The following ERC2 variants were observed in gnomAD, a reference collection of about 807,000 sequenced individuals.
ERC2 encodes ELKS/RAB6-interacting/CAST family member 2.
Under a neutral mutation model 114.8 loss-of-function variants are expected in ERC2, and 42 were observed. That is an observed-to-expected ratio of 0.37 (90% CI 0.29 to 0.47). The LOEUF (loss-of-function observed/expected upper bound fraction) is 0.47. Ranked by LOEUF, ERC2 falls within the 20% of genes least tolerant of loss-of-function variation. The probability of loss-of-function intolerance (pLI) is 0.99; values close to 1 mark genes in which losing one functional copy is unlikely to be tolerated. For missense variants in ERC2, 939 were observed against 1,150.7 expected, an observed-to-expected ratio of 0.82 and a Z score of 2.66; for synonymous variants, 454 against 425.5, an observed-to-expected ratio of 1.07 and a Z score of -0.82.
At chr3:55,790,288 C>T (rs2069887947) in intron 14 of ERC2, among the ~76,000 whole-genome samples, 1 of 152,148 alleles carries the variant, frequency 6.6e-6, no homozygotes, top group Non-Finnish European at 1.5e-5. Flanking sequence ...ACTTCTGCTT[C>T]CTTGCAGGTG....
chr3:55,925,697 A>G (rs975373367), intron 13 of ERC2, among the ~76,000 whole-genome samples: 2 of 152,156 alleles, frequency 1.3e-5, no homozygotes, highest in African/African-American at 4.8e-5. Flanking sequence ...AGAAGAAAAG[A>G]TTTAAAGACA....
At chr3:55,556,962 C>T (rs9857715) in intron 17 of ERC2, among the ~76,000 whole-genome samples, 1 of 152,184 alleles carries the variant, frequency 6.6e-6, no homozygotes, top group East Asian at 1.9e-4. Context: ...ATGCCTGGCA[C>T]TGCACTCTGT....
chr3:56,085,999 G>C (rs934340167), intron 6 of ERC2, among the ~76,000 whole-genome samples: 2 of 152,144 alleles, frequency 1.3e-5, no homozygotes, highest in African/African-American at 4.8e-5. Context: ...GCTGGAGAGA[G>C]TTTAGAAAAA....
intron 2 of ERC2, among the ~76,000 whole-genome samples, chr3:56,346,131 G>T (rs2058297753): frequency 6.6e-6 from 1 of 152,098 alleles, no homozygotes; most frequent in Non-Finnish European, 1.5e-5. Context: ...TATGTTACAG[G>T]AATCTCTATG....
chr3:56,025,529 C>T (rs990118478), intron 7 of ERC2, among the ~76,000 whole-genome samples: 1 of 152,180 alleles, frequency 6.6e-6, no homozygotes, highest in Non-Finnish European at 1.5e-5. Context: ...TATACAAAGG[C>T]CCTTGCCACA....
chr3:55,952,136 A>AACAC (rs778299355), intron 12 of ERC2, among the ~76,000 whole-genome samples: 2,181 of 75,360 alleles, frequency 0.029, 76 homozygotes, highest in African/African-American at 0.062. Context: ...CCATCTCTAA[A>AACAC]ACACACACAC....
chr3:55,530,324 C>G (rs1055490225), intron 17 of ERC2, among the ~76,000 whole-genome samples: 1 of 152,174 alleles, frequency 6.6e-6, no homozygotes, highest in Non-Finnish European at 1.5e-5. Flanking sequence ...ATTCTGCAAT[C>G]GTGGCAGGAA....
intron 17 of ERC2, among the ~76,000 whole-genome samples, chr3:55,583,358 C>A (rs1226776957): frequency 1.3e-5 from 2 of 151,800 alleles, no homozygotes; most frequent in Non-Finnish European, 2.9e-5. Flanking sequence ...TGCCTGCCTG[C>A]CTGCCTGCCT....
At chr3:55,907,499 T>C (rs1187447476) in intron 13 of ERC2, among the ~76,000 whole-genome samples, 2 of 152,228 alleles carry the variant, frequency 1.3e-5, no homozygotes, top group Admixed American at 6.5e-5. Flanking sequence ...ATTGCTTAAT[T>C]GTTTGACTGG....
chr3:55,555,776 T>C (rs1846593), intron 17 of ERC2, among the ~76,000 whole-genome samples: 80,431 of 151,986 alleles, frequency 0.53, 23,362 homozygotes, highest in African/African-American at 0.79. Flanking sequence ...ATCAGCAACC[T>C]GTGCTCAGCT....
chr3:55,597,869 T>C (rs1183485704), intron 17 of ERC2, among the ~76,000 whole-genome samples: 1 of 152,186 alleles, frequency 6.6e-6, no homozygotes, highest in Non-Finnish European at 1.5e-5. Context: ...TGTGTTACAA[T>C]CTCAGTAAGA....
At chr3:55,600,448 T>C (rs76171458) in intron 17 of ERC2, among the ~76,000 whole-genome samples, 3,091 of 152,276 alleles carry the variant, frequency 0.02, 86 homozygotes, top group African/African-American at 0.052. Flanking sequence ...TACCCACCCA[T>C]AGAAGTACCT....
intron 3 of ERC2, among the ~76,000 whole-genome samples, chr3:56,207,374 T>C (rs564358984): frequency 6.6e-6 from 1 of 152,258 alleles, no homozygotes; most frequent in East Asian, 1.9e-4. Context: ...TTACCTTCAC[T>C]CAGTCTCTTA....
intron 3 of ERC2, among the ~76,000 whole-genome samples, chr3:56,190,900 A>G (rs1303872242): frequency 1.3e-5 from 2 of 152,122 alleles, no homozygotes; most frequent in African/African-American, 4.8e-5. Context: ...ACATTTATGT[A>G]ATAGTATGAC....
At chr3:55,768,769 G>C (rs2067994657) in intron 14 of ERC2, among the ~76,000 whole-genome samples, 1 of 152,186 alleles carries the variant, frequency 6.6e-6, no homozygotes, top group Non-Finnish European at 1.5e-5. Flanking sequence ...GGTGACATCA[G>C]ATGGGTTTGG....
At chr3:56,044,218 G>C (rs1268362084) in intron 7 of ERC2, among the ~76,000 whole-genome samples, 1 of 152,158 alleles carries the variant, frequency 6.6e-6, no homozygotes, top group Admixed American at 6.5e-5. Context: ...AATTATTTAA[G>C]GGAGAATTCG....
At chr3:55,759,527 A>G (rs1214364176) in intron 14 of ERC2, among the ~76,000 whole-genome samples, 6 of 139,256 alleles carry the variant, frequency 4.3e-5, no homozygotes, top group Admixed American at 2.3e-4. Flanking sequence ...TATGATAAAC[A>G]TGGTAGTTTC....
chr3:56,240,258 A>C (rs904517677), intron 3 of ERC2, among the ~76,000 whole-genome samples: 6 of 152,244 alleles, frequency 3.9e-5, no homozygotes, highest in African/African-American at 1.4e-4. Context: ...TTTACCTTTA[A>C]GAAGGAAATC....
intron 13 of ERC2, among the ~76,000 whole-genome samples, chr3:55,933,584 A>G (rs564531293): frequency 1.2e-3 from 188 of 152,298 alleles, no homozygotes; most frequent in African/African-American, 4.3e-3. Flanking sequence ...AATACTCTTC[A>G]GGGATCCTGC....
Sources: allele counts gnomAD v4.1 joint callset (sites outside exome capture counted in the v4.1 genomes callset), GRCh38; gene constraint gnomAD v4.1.1; transcripts MANE v1.5; gene names NCBI Gene and HGNC (gene_info 2026-07-23, HGNC 2026-07-21).